The following GPSM1 variants were observed in gnomAD, a reference collection of about 807,000 sequenced individuals.
The protein encoded by GPSM1 is G protein-signaling modulator 1.
GPSM1 carries 48 observed loss-of-function variants against 70.5 expected under a neutral mutation model. The observed-to-expected ratio is 0.68, with a 90% CI of 0.54 to 0.87. The LOEUF (loss-of-function observed/expected upper bound fraction) is 0.87. Ranked by LOEUF, GPSM1 falls within the 40% of genes least tolerant of loss-of-function variation. The probability of loss-of-function intolerance (pLI) is 0.00; values close to 1 mark genes in which losing one functional copy is unlikely to be tolerated. For synonymous variants in GPSM1, 416 were observed against 430.1 expected (o/e 0.97, Z 0.41); for missense variants, 981 against 972.6 (o/e 1.01, Z -0.11).
At chr9:136,332,187 G>T in intron 1 of GPSM1, 1 of 399,106 alleles carries the variant, frequency 2.5e-6, no homozygotes, top group Non-Finnish European at 4.4e-6. Context: ...CGGGCAGCGA[G>T]TGGGGTGGTC....
intron 9 of GPSM1, among the ~76,000 whole-genome samples, chr9:136,345,489 C>T (rs998305056): frequency 2.0e-5 from 3 of 152,328 alleles, no homozygotes; most frequent in Middle Eastern, 3.4e-3. Context: ...TGAGGGCGCC[C>T]GCCCTGGGGC....
At chr9:136,344,861 T>C (rs1832482516) in intron 9 of GPSM1, among the ~76,000 whole-genome samples, 1 of 152,072 alleles carries the variant, frequency 6.6e-6, no homozygotes, top group African/African-American at 2.4e-5. Flanking sequence ...CCCTCCCCAA[T>C]GGGGCGGGGC....
chr9:136,335,283 C>T (rs1832205478), intron 2 of GPSM1, among the ~76,000 whole-genome samples: 2 of 152,248 alleles, frequency 1.3e-5, no homozygotes, highest in African/African-American at 4.8e-5. Context: ...CAAGCTCCCA[C>T]TCACAGCCTC....
rs1374093168 is a variant in GPSM1 at position 136,349,648 on chromosome 9, C to G, written c.1340C>G (p.Pro447Arg). The G allele has an allele frequency of 6.4e-7, 1 of 1,550,424 alleles. No homozygotes were observed. ...CGGGGGCCCAGCAGGGACTCGCTAC[C>G]CCTCCCCGTGAGGAGCAGGAAGTAC... ...DWRGPSRDSL[P>R]LPVRSRKYQE... Residue 447 changes from proline (P) to arginine (R), a missense_variant, in exon 11 of 14, where the codon CCC (proline) becomes CGC (arginine). Transcript: ENST00000440944.
chr9:136,349,818 C>A (rs907528317), intron 11 of GPSM1, 55 bp downstream of exon 11: 18 of 1,466,906 alleles, frequency 1.2e-5, no homozygotes, highest in Non-Finnish European at 1.5e-5. Flanking sequence ...TTGGCAACTG[C>A]GCCCCAACTC....
intron 1 of GPSM1, among the ~76,000 whole-genome samples, chr9:136,331,016 G>A (rs567331862): frequency 2.3e-4 from 35 of 152,230 alleles, no homozygotes; most frequent in Middle Eastern, 3.4e-3. Context: ...ACCTGTCCTT[G>A]GATTCCTGCC....
At chr9:136,332,577 C>G (rs1190338783) in intron 1 of GPSM1, among the ~76,000 whole-genome samples, 1 of 152,178 alleles carries the variant, frequency 6.6e-6, no homozygotes, top group Non-Finnish European at 1.5e-5. Flanking sequence ...TGAAAAGTGG[C>G]TGGGTGGGGC....
Position 136,334,516 on chromosome 9 carries a change from A to G in GPSM1, c.138A>G (p.Thr46=). The G allele has an allele frequency of 1.9e-6, 3 of 1,613,392 alleles. No individual in the cohort carries two copies. In the South Asian group the frequency reaches 3.3e-5, roughly 18 times the overall value. ...ERLCKAGDFK[T]GVAFFEAAVQ... is the part of the protein sequence containing the mutation. ...TGTGCAAGGCGGGCGACTTCAAGAC[A>G]GGCGTGGCCTTCTTTGAGGCTGCTG... The change falls in exon 2 of 14, where the codon ACA becomes ACG. Residue 46 remains threonine (T), a synonymous_variant. Transcript: ENST00000440944.
chr9:136,352,675 G>A (rs545755803), intron 11 of GPSM1, among the ~76,000 whole-genome samples: 30 of 152,298 alleles, frequency 2.0e-4, no homozygotes, highest in Admixed American at 3.9e-4. Context: ...ACAGCAACCC[G>A]CCCAGGTCCT....
chr9:136,354,122 G>GT (rs1318111749), intron 11 of GPSM1, among the ~76,000 whole-genome samples: 2 of 152,154 alleles, frequency 1.3e-5, no homozygotes, highest in African/African-American at 2.4e-5. Flanking sequence ...TCAGGCTTCC[G>GT]TGACAGCTGG....
Position 136,341,097 on chromosome 9 carries a change from CA to C in GPSM1, c.1207+105del. The C allele has an allele frequency of 4.5e-6, 7 of 1,550,106 alleles. No homozygotes were observed. Among genetic ancestry groups the C allele is most frequent in the Non-Finnish European group, 6.1e-6 (7 of 1,146,878 alleles). On this transcript the variant is annotated intron_variant, in intron 9 of 13. Transcript: ENST00000440944. The surrounding 1 kb of genome is among the most constrained non-coding windows in gnomAD (Gnocchi z 6.7). The stretch of plus-strand genomic sequence containing the variant: ...GGCCAGGCCAGCATGGCGGAGGTGG[CA>C]GCCGCCAGAAAATGGCGCCTACAAG...
At chr9:136,331,490 G>A (rs1294432523) in intron 1 of GPSM1, among the ~76,000 whole-genome samples, 10 of 152,124 alleles carry the variant, frequency 6.6e-5, no homozygotes, top group Non-Finnish European at 8.8e-5. Flanking sequence ...GGCGGCCAGG[G>A]GCCACCACTG....
At chr9:136,353,811 T>C (rs28583586) in intron 11 of GPSM1, among the ~76,000 whole-genome samples, 151,414 of 152,308 alleles carry the variant, frequency 0.99, 75,268 homozygotes, top group East Asian at 1. Context: ...AGGAGCCAGT[T>C]CCTTTTAGAC....
chr9:136,339,245 T>C (rs1474982104), intron 7 of GPSM1, among the ~76,000 whole-genome samples: 2 of 152,262 alleles, frequency 1.3e-5, no homozygotes, highest in Non-Finnish European at 2.9e-5. Flanking sequence ...AAAATGCCAG[T>C]GGATCGTCCA....
In GPSM1 at chr9:136,338,561, G is replaced by A. The variant is rs781790011; in HGVS notation, c.825G>A (p.Thr275=). 2.3e-5 allele frequency: 37 copies of A among 1,610,794 alleles called. No individual in the cohort carries two copies. The highest frequency in any genetic ancestry group is 1.3e-4 in the South Asian group (12 of 90,728). ...ACCCTGCCACTCTGCACAGGAAGAC[G>A]CTGCAACTGTCTCGGCAGCTCAGGG... ...FDVAAEYYKK[T]LQLSRQLRDQ... Residue 275 remains threonine (T), a synonymous_variant, in exon 7 of 14, where the codon ACG becomes ACA. Coordinates refer to ENST00000440944, the MANE Select transcript of GPSM1 (RefSeq NM_001145638.3).
chr9:136,352,895 G>T (rs1031565835), intron 11 of GPSM1, among the ~76,000 whole-genome samples: 1 of 152,100 alleles, frequency 6.6e-6, no homozygotes, highest in Non-Finnish European at 1.5e-5. Context: ...TACGGAGTGC[G>T]CCTGTGTGTG....
chr9:136,344,532 G>A (rs782677367), intron 9 of GPSM1, among the ~76,000 whole-genome samples: 1 of 152,174 alleles, frequency 6.6e-6, no homozygotes, highest in Non-Finnish European at 1.5e-5. Context: ...GAACACTGGT[G>A]GCTTCTCTTA....
chr9:136,347,169 G>A (rs894784218), intron 9 of GPSM1, among the ~76,000 whole-genome samples: 1 of 152,166 alleles, frequency 6.6e-6, no homozygotes, highest in South Asian at 2.1e-4. Context: ...GGAACTGCCC[G>A]GCCCGGCCCA....
rs1057472268 is a variant in GPSM1 at position 136,358,992 on chromosome 9, G to A, written c.*772G>A. The A allele has an allele frequency of 1.3e-5, 2 of 152,460 alleles. No homozygotes were observed. Among genetic ancestry groups the A allele is most frequent in the East Asian group, 1.9e-4 (1 of 5,272 alleles). The allele number at this position is 152,460 out of a possible 1,614,324, so 9.4% of individuals were successfully genotyped here. A position where few individuals can be genotyped will look rare whatever the true frequency, so the allele number is the denominator to read the frequency against. ...AGCAAGAGCAGTGCCCAGTCAGGGT[G>A]GGAGGTAGCACCAGGCTCTGTGACC... On this transcript the variant is annotated 3_prime_UTR_variant, in exon 14 of 14. Coordinates refer to ENST00000440944, the MANE Select transcript of GPSM1 (RefSeq NM_001145638.3).
Sources: allele counts gnomAD v4.1 joint callset (sites outside exome capture counted in the v4.1 genomes callset), GRCh38; gene constraint gnomAD v4.1.1; non-coding constraint Gnocchi (gnomAD v3.1); transcripts MANE v1.5; gene names NCBI Gene and HGNC (gene_info 2026-07-23, HGNC 2026-07-21).